Variants in CYB5R4 observed in about 807,000 individuals in gnomAD.
CYB5R4 encodes cytochrome b5 reductase 4.
Under a neutral mutation model 70.2 loss-of-function variants are expected in CYB5R4, and 55 were observed. That is an observed-to-expected ratio of 0.78 (90% CI 0.63 to 0.98). The LOEUF is 0.98. Ranked by LOEUF, CYB5R4 falls within the 50% of genes least tolerant of loss-of-function variation. The pLI is 0.00. For missense variants in CYB5R4, 562 were observed against 612.6 expected (o/e 0.92, Z 0.87); for synonymous variants, 197 against 199.5 (o/e 0.99, Z 0.11).
At chr6:83,930,450 A>G (rs889558586) in intron 10 of CYB5R4, among the ~76,000 whole-genome samples, 1 of 152,198 alleles carries the variant, frequency 6.6e-6, no homozygotes, top group Admixed American at 6.5e-5. Flanking sequence ...TGCCAGGAGT[A>G]GATTCCATCT....
rs1268787003 is a variant in CYB5R4, at chr6:83,924,484, A to G, written c.706A>G (p.Ser236Gly). 4 of 1,613,682 alleles carry G rather than the reference A, an allele frequency of 2.5e-6. No homozygotes were observed. Among genetic ancestry groups the G allele is most frequent in the Admixed American group, 1.7e-5 (1 of 60,004 alleles). Residue 236 changes from serine to glycine, a missense_variant, in exon 10 of 16, where the codon AGT becomes GGT. Ser to Gly is a moderately conservative substitution (Grantham distance 56). Transcript: ENST00000369681. ...QEDFSVRVVE[S>G]VGKIEIVLQK... ...CTTCTTTTCAGTGCGGGTTGTTGAGAGTGTGGGAAAAATAGAGATTGTTCT... is the reference window on the plus strand; with the variant it reads ...CTTCTTTTCAGTGCGGGTTGTTGAGGGTGTGGGAAAAATAGAGATTGTTCT...
At chr6:83,939,987 C>A in intron 12 of CYB5R4, 69 bp from the exon 13 acceptor site, 2 of 1,195,424 alleles carry the variant, frequency 1.7e-6, no homozygotes, top group South Asian at 3.2e-5. Context: ...TTCTTAGTTT[C>A]CCCGCTGGGT....
chr6:83,900,678 T>G (rs956208882), intron 3 of CYB5R4, among the ~76,000 whole-genome samples: 1 of 152,212 alleles, frequency 6.6e-6, no homozygotes, highest in Admixed American at 6.5e-5. Flanking sequence ...ATATTTAGGA[T>G]AGTTAGCTCT....
chr6:83,922,539 G>GA, intron 9 of CYB5R4, 69 bp downstream of exon 9: 1 of 1,035,960 alleles, frequency 9.7e-7, no homozygotes, highest in Non-Finnish European at 1.5e-6. Context: ...AGAGAGATAC[G>GA]AAAAAATTGA....
chr6:83,926,135 G>A (rs1298597541), intron 10 of CYB5R4: 1 of 152,076 alleles, frequency 6.6e-6, no homozygotes, highest in African/African-American at 2.4e-5. Context: ...TCATATTTCA[G>A]GGTGGGACTG....
At chr6:83,876,009 C>G (rs931392145) in intron 2 of CYB5R4, among the ~76,000 whole-genome samples, 2 of 152,170 alleles carry the variant, frequency 1.3e-5, no homozygotes, top group Admixed American at 1.3e-4. Context: ...TCGAACGCCT[C>G]TGACAGTAGG....
At chr6:83,928,535 T>G (rs926203537) in intron 10 of CYB5R4, among the ~76,000 whole-genome samples, 1 of 152,146 alleles carries the variant, frequency 6.6e-6, no homozygotes, top group Non-Finnish European at 1.5e-5. Context: ...TATGGGACTT[T>G]CCAGGTGGAG....
At chr6:83,958,345 A>G (rs1378110341) in intron 15 of CYB5R4, among the ~76,000 whole-genome samples, 1 of 152,188 alleles carries the variant, frequency 6.6e-6, no homozygotes, top group East Asian at 1.9e-4. Flanking sequence ...CAAATATCTT[A>G]CTAGAGATAA....
At chr6:83,921,230 A>G (rs1229386837) in intron 8 of CYB5R4, 55 bp downstream of exon 8, 2 of 1,371,290 alleles carry the variant, frequency 1.5e-6, no homozygotes, top group Non-Finnish European at 2.0e-6. Flanking sequence ...TAAATATGGC[A>G]ATAACTTGGT....
Position 83,960,667 on chromosome 6 carries a change from TG to T in CYB5R4, c.*791del, listed in dbSNP as rs1294566346. On this transcript the variant is annotated 3_prime_UTR_variant, in exon 16 of 16. Transcript: ENST00000369681. ...AGTTCCACAGCATAAAGTTATTATTTGGTGCTTTGGAATGGGTTGAATTTTA... is the reference window on the plus strand; with the variant it reads ...AGTTCCACAGCATAAAGTTATTATTTGTGCTTTGGAATGGGTTGAATTTTA... 1 of 152,206 alleles carries T rather than the reference TG, an allele frequency of 6.6e-6. No individual in the cohort carries two copies. The highest frequency in any genetic ancestry group is 1.5e-5 in the Non-Finnish European group (1 of 68,036). The allele number at this position is 152,206 out of a possible 1,614,324, so 9.4% of individuals were successfully genotyped here.
At chr6:83,917,940 T>C in intron 5 of CYB5R4, 65 bp from the exon 6 acceptor site, 1 of 1,247,320 alleles carries the variant, frequency 8.0e-7, no homozygotes, top group Non-Finnish European at 1.2e-6. Flanking sequence ...ACTAAGAAGT[T>C]AACTTAAAAG....
intron 1 of CYB5R4, among the ~76,000 whole-genome samples, chr6:83,861,705 G>A (rs1286353292): frequency 6.6e-6 from 1 of 152,214 alleles, no homozygotes; most frequent in Non-Finnish European, 1.5e-5. Context: ...CCTGCCTTGT[G>A]CCCTGAGCTA....
At chr6:83,873,438 A>C (rs1251107706) in intron 2 of CYB5R4, among the ~76,000 whole-genome samples, 1 of 151,638 alleles carries the variant, frequency 6.6e-6, no homozygotes, top group Non-Finnish European at 1.5e-5. Flanking sequence ...ATGGGGTTTC[A>C]CCATCTTGGC....
chr6:83,891,428 G>C (rs539037938), intron 2 of CYB5R4, among the ~76,000 whole-genome samples: 1 of 152,264 alleles, frequency 6.6e-6, no homozygotes, highest in South Asian at 2.1e-4. Context: ...ACATCCAGGG[G>C]TCCAAGTTTT....
rs1588592338 is a variant in CYB5R4 at position 83,965,590 on chromosome 6, T to C, written c.*5712T>C. On this transcript the variant is annotated 3_prime_UTR_variant, in exon 16 of 16. Coordinates refer to ENST00000369681, the MANE Select transcript of CYB5R4 (RefSeq NM_016230.4). ...CTTGCCTTGTCTCAGATGAGACTTT[T>C]GAACTGTGGACTTTTGGGTTAATGC... The C allele has an allele frequency of 6.6e-6, 1 of 152,334 alleles. No homozygotes were observed. Among genetic ancestry groups the C allele is most frequent in the Non-Finnish European group, 1.5e-5 (1 of 68,030 alleles). 9.4% of individuals were successfully genotyped at this position (152,334 alleles called of 1,614,324 possible).
At position 83,917,330 on chromosome 6, in the gene CYB5R4, G is replaced by A. The variant is rs367714381; in HGVS notation, c.446-675G>A. ...TACAACCACTTTGAAAAGCCATTCA[G>A]TAGTATCTTCTAAAGCTAAACATAC... On this transcript the variant is annotated intron_variant, in intron 5 of 15. Transcript: ENST00000369681. Among the ~76,000 whole-genome samples, 340 of 152,210 alleles carry A rather than the reference G, an allele frequency of 2.2e-3. 3 individuals carry two copies. The highest frequency in any genetic ancestry group is 7.7e-3 in the African/African-American group (321 of 41,556).
intron 6 of CYB5R4, among the ~76,000 whole-genome samples, chr6:83,918,916 G>T (rs932126706): frequency 1.3e-5 from 2 of 152,078 alleles, no homozygotes; most frequent in Admixed American, 1.3e-4. Context: ...GTATCAATTT[G>T]ATCAATAGCT....
intron 15 of CYB5R4, among the ~76,000 whole-genome samples, chr6:83,956,680 T>C (rs1232328251): frequency 6.6e-6 from 1 of 152,164 alleles, no homozygotes; most frequent in African/African-American, 2.4e-5. Context: ...GATGCAAATT[T>C]TCCCCCACAA....
At chr6:83,904,271 T>C (rs979982010) in intron 3 of CYB5R4, among the ~76,000 whole-genome samples, 23 of 152,210 alleles carry the variant, frequency 1.5e-4, no homozygotes, top group African/African-American at 5.5e-4. Flanking sequence ...AATTTTTTTA[T>C]TTCCATTTTA....
Sources: allele counts gnomAD v4.1 joint callset (sites outside exome capture counted in the v4.1 genomes callset), GRCh38; gene constraint gnomAD v4.1.1; transcripts MANE v1.5; gene names NCBI Gene and HGNC (gene_info 2026-07-23, HGNC 2026-07-21).